The following LCORL variants were observed in gnomAD, a reference collection of about 807,000 sequenced individuals.
The protein encoded by LCORL is ligand dependent nuclear receptor corepressor like.
A neutral mutation model predicts 141.8 loss-of-function variants in LCORL; 41 were observed. The observed-to-expected ratio is 0.29, with a 90% confidence interval of 0.23 to 0.38. The LOEUF is 0.38. Ranked by LOEUF, LCORL falls within the 10% of genes least tolerant of loss-of-function variation. The pLI is 1.00. For synonymous variants in LCORL, 618 were observed against 694.1 expected (o/e 0.89, Z 1.72); for missense variants, 1,759 against 2,035.0 (o/e 0.86, Z 2.61).
chr4:17,998,964 CAAAAA>C (rs775544332), intron 1 of LCORL, among the ~76,000 whole-genome samples: 84 of 44,820 alleles, frequency 1.9e-3, no homozygotes, highest in Non-Finnish European at 2.4e-3. Flanking sequence ...GACCCTGTCT[CAAAAA>C]AAAAAAAAAA....
intron 7 of LCORL, among the ~76,000 whole-genome samples, chr4:17,853,471 A>C (rs1724008323): frequency 6.6e-6 from 1 of 152,144 alleles, no homozygotes; most frequent in Admixed American, 6.6e-5. Context: ...GCATAGACTG[A>C]CATGTTTTTG....
chr4:17,998,981 AAAAAATAT>A (rs1721391381), intron 1 of LCORL, among the ~76,000 whole-genome samples: 1 of 64,104 alleles, frequency 1.6e-5, no homozygotes. Context: ...AAAAAAAAAA[AAAAAATAT>A]ATATATATAT....
rs372873443 is a variant in LCORL, at chr4:17,905,204, T to C, written c.682+3890A>G. On this transcript the variant is annotated intron_variant, in intron 5 of 7. Transcript: ENST00000635767. Reference sequence around the variant, plus strand: ...TAGTGTGCATTTTTTGTGTTATCTTTTATTTTAAATCTTTAGGTTATAATG... The same window carrying C: ...TAGTGTGCATTTTTTGTGTTATCTTCTATTTTAAATCTTTAGGTTATAATG... Among the ~76,000 whole-genome samples, 28 of 152,244 alleles carry C rather than the reference T, an allele frequency of 1.8e-4. No homozygotes were observed. The South Asian group carries it at 5.8e-3, about 32-fold the overall frequency.
chr4:18,021,731 T>A lies in LCORL; in HGVS notation c.21A>T (p.Arg7Ser). 6.6e-7 allele frequency: 1 copy of A among 1,523,242 alleles called. No homozygotes were observed. Among genetic ancestry groups the A allele is most frequent in the Non-Finnish European group, 8.8e-7 (1 of 1,134,800 alleles). 94.4% of individuals were successfully genotyped at this position (1,523,242 alleles called of 1,614,324 possible). ...CAGCAGCGGCGGCGGCAGCGGCCAT[T>A]CTCTCTCTTCCCTTGTCCATCTGCG... Residue 7 changes from arginine to serine, a missense_variant, in exon 1 of 8, where the codon AGA becomes AGT. This residue lies in a region of LCORL where 86 missense variants were observed against 61.8 expected (regional missense o/e 1.39). Coordinates refer to ENST00000635767, the Ensembl canonical transcript of LCORL. The surrounding 1 kb of genome is among the most constrained non-coding windows in gnomAD (Gnocchi z 5.5).
rs1285348364 is a variant in LCORL at position 18,021,731 on chromosome 4, T to G, written c.21A>C (p.Arg7Ser). ...CAGCAGCGGCGGCGGCAGCGGCCATTCTCTCTCTTCCCTTGTCCATCTGCG... is the reference window on the plus strand; with the variant it reads ...CAGCAGCGGCGGCGGCAGCGGCCATGCTCTCTCTTCCCTTGTCCATCTGCG... The change falls in exon 1 of 8, where the codon AGA (arginine) becomes AGC (serine). Residue 7 changes from arginine to serine, a missense_variant. Around this residue, in one of 5 missense-constraint regions of LCORL, gnomAD observed 86 missense variants for 61.8 expected, o/e 1.39. Transcript: ENST00000635767. The surrounding 1 kb of genome is among the most constrained non-coding windows in gnomAD (Gnocchi z 5.5). The G allele has an allele frequency of 6.6e-7, 1 of 1,523,242 alleles. No homozygotes were observed. Among genetic ancestry groups the G allele is most frequent in the Non-Finnish European group, 8.8e-7 (1 of 1,134,800 alleles). The allele number at this position is 1,523,242 out of a possible 1,614,324, so 94.4% of individuals were successfully genotyped here.
At chr4:17,862,131 T>C (rs921525526) in intron 7 of LCORL, among the ~76,000 whole-genome samples, 1 of 152,172 alleles carries the variant, frequency 6.6e-6, no homozygotes, top group African/African-American at 2.4e-5. Context: ...TGGTACCAAT[T>C]TACTGTATTA....
intron 5 of LCORL, among the ~76,000 whole-genome samples, chr4:17,887,370 T>G (rs1311190903): frequency 6.6e-6 from 1 of 151,976 alleles, no homozygotes; most frequent in African/African-American, 2.4e-5. Flanking sequence ...CAGAGTAAGC[T>G]GATAGAGTAA....
intron 5 of LCORL, chr4:17,893,662 C>T: frequency 2.3e-6 from 2 of 879,512 alleles, no homozygotes. Context: ...GTAGGTAAAG[C>T]TATCTTCTAA....
intron 1 of LCORL, among the ~76,000 whole-genome samples, chr4:17,997,234 G>A (rs954712628): frequency 1.3e-5 from 2 of 152,072 alleles, no homozygotes; most frequent in African/African-American, 2.4e-5. Context: ...ATGTCTCAAC[G>A]CCTTCTCCAA....
At position 17,915,013 on chromosome 4, in the gene LCORL, T is replaced by G. The variant is rs142713261; in HGVS notation, c.431-5668A>C. ...ATTATGTTATAAATGAATGAAGTTT[T>G]CATACTGGACACTGATGAACATTGA... On this transcript the variant is annotated intron_variant, in intron 4 of 7. Transcript: ENST00000635767. Among the ~76,000 whole-genome samples the G allele has an allele frequency of 2.2e-4, 33 of 152,328 alleles. No homozygotes were observed. In the East Asian group the frequency reaches 5.8e-3, roughly 27 times the overall value.
At chr4:17,964,228 GA>G (rs1246223292) in intron 2 of LCORL, among the ~76,000 whole-genome samples, 1 of 152,064 alleles carries the variant, frequency 6.6e-6, no homozygotes, top group Admixed American at 6.6e-5. Flanking sequence ...TAGGGTAATG[GA>G]AAGATAACTA....
At chr4:17,863,217 G>A (rs556848376) in intron 7 of LCORL, among the ~76,000 whole-genome samples, 2 of 152,328 alleles carry the variant, frequency 1.3e-5, no homozygotes, top group Non-Finnish European at 2.9e-5. Context: ...TTGGGAGACT[G>A]AGGCAGGAGA....
At chr4:17,995,041 T>C (rs887230443) in intron 1 of LCORL, among the ~76,000 whole-genome samples, 3 of 152,134 alleles carry the variant, frequency 2.0e-5, no homozygotes, top group Non-Finnish European at 4.4e-5. Flanking sequence ...TATTAATAAT[T>C]ATCTTTCCTC....
chr4:17,899,454 T>C (rs961015000), intron 5 of LCORL, among the ~76,000 whole-genome samples: 1 of 151,954 alleles, frequency 6.6e-6, no homozygotes, highest in African/African-American at 2.4e-5. Flanking sequence ...GTGTCAGACA[T>C]AGACAGTGTG....
intron 1 of LCORL, among the ~76,000 whole-genome samples, chr4:18,010,601 C>G (rs936277149): frequency 6.6e-6 from 1 of 151,600 alleles, no homozygotes; most frequent in Admixed American, 6.6e-5. Context: ...AGGCACCTGC[C>G]ACCACGCCTG....
intron 7 of LCORL, among the ~76,000 whole-genome samples, chr4:17,868,705 T>C (rs1431337956): frequency 6.6e-6 from 1 of 152,154 alleles, no homozygotes; most frequent in African/African-American, 2.4e-5. Context: ...AAAGATTCTC[T>C]AGAACTCTGC....
chr4:17,986,932 T>A (rs139211906), intron 1 of LCORL, among the ~76,000 whole-genome samples: 477 of 152,326 alleles, frequency 3.1e-3, no homozygotes, highest in Middle Eastern at 0.02. Flanking sequence ...TTTGGTTTAA[T>A]GTACCACAGT....
At chr4:17,872,069 AGAG>A (rs71167340) in intron 7 of LCORL, among the ~76,000 whole-genome samples, 18,642 of 152,038 alleles carry the variant, frequency 0.12, 1,263 homozygotes, top group South Asian at 0.24. Flanking sequence ...AGTTTTAAAA[AGAG>A]TAGTAAAAAT....
rs1301468567 is a variant in LCORL, at chr4:18,011,429, T to TA, written c.154+10168dup. On this transcript the variant is annotated intron_variant, in intron 1 of 7. Transcript: ENST00000635767. ...ATCTGATCATGCTTATTACCCATTT[T>TA]AAAAAAAAAAAAAAAACAACTTCAA... Among the ~76,000 whole-genome samples the TA allele has an allele frequency of 4.2e-3, 566 of 134,118 alleles. 3 individuals are homozygous for TA. The highest frequency in any genetic ancestry group is 0.019 in the East Asian group (89 of 4,628). 88.0% of individuals were successfully genotyped at this position (134,118 alleles called of 152,430 possible).
Sources: gnomAD v4.1 joint callset for allele counts (sites outside exome capture counted in the v4.1 genomes callset) on GRCh38, gnomAD v4.1.1 for gene constraint, gnomAD v4.1.1 regional missense constraint, Gnocchi (gnomAD v3.1) non-coding constraint, MANE v1.5 for transcripts, NCBI Gene and HGNC (gene_info 2026-07-23, HGNC 2026-07-21) for gene names.